Variants in EML1 observed in about 807,000 individuals in gnomAD.
EML1 encodes the protein echinoderm microtubule-associated protein-like 1.
A neutral mutation model predicts 110.4 loss-of-function variants in EML1; 27 were observed. The ratio of observed to expected loss-of-function variants is 0.24; its 90% confidence interval spans 0.18 to 0.34. The LOEUF is 0.34. EML1 is among the 10% of genes least tolerant of loss of function. The pLI, the probability that EML1 is intolerant of heterozygous loss-of-function variation, is 1.00. For missense variants in EML1, 741 were observed against 1,030.9 expected, an observed-to-expected ratio of 0.72 and a Z score of 3.85; for synonymous variants, 344 against 385.8, an observed-to-expected ratio of 0.89 and a Z score of 1.27.
intron 17 of EML1, among the ~76,000 whole-genome samples, chr14:99,933,403 T>C (rs1026600938): frequency 6.6e-6 from 1 of 152,192 alleles, no homozygotes; most frequent in Non-Finnish European, 1.5e-5. Flanking sequence ...CTCAAACTCC[T>C]GATCTCAGGT....
rs1476962789 is a variant in EML1 at position 99,781,017 on chromosome 14, C to T, written c.-27+7004C>T. On this transcript the variant is annotated intron_variant, in intron 1 of 22. Transcript: ENST00000327921. This position sits in a 1 kb window ranked among gnomAD's most constrained non-coding sequence, Gnocchi z 4.2. ...CACATTTCCTATGGCATTTCATCCA[C>T]CTCATCCTTTAACCTTCCTCTCCCG... Among the ~76,000 whole-genome samples the T allele has an allele frequency of 6.6e-6, 1 of 152,140 alleles. No homozygotes were observed. The highest frequency in any genetic ancestry group is 2.4e-5 in the African/African-American group (1 of 41,422).
At chr14:99,909,298 C>T (rs188732664) in intron 10 of EML1, 47 bp from the exon 11 acceptor site, 34 of 1,612,710 alleles carry the variant, frequency 2.1e-5, no homozygotes, top group South Asian at 3.3e-5. Flanking sequence ...ATGTCTCTTA[C>T]GCGTCTTAAG....
chr14:99,820,876 T>C (rs1184379101), intron 1 of EML1, among the ~76,000 whole-genome samples: 1 of 152,030 alleles, frequency 6.6e-6, no homozygotes, highest in Non-Finnish European at 1.5e-5. Flanking sequence ...GTGGCAGATT[T>C]CAGCTGAGAT....
chr14:99,805,704 G>C (rs2057959505), intron 1 of EML1, among the ~76,000 whole-genome samples: 1 of 151,954 alleles, frequency 6.6e-6, no homozygotes, highest in African/African-American at 2.4e-5. Flanking sequence ...TTGAACTCCT[G>C]GGCTGAAGTG....
intron 2 of EML1, among the ~76,000 whole-genome samples, chr14:99,857,568 G>A (rs925816599): frequency 2.0e-5 from 3 of 152,112 alleles, no homozygotes; most frequent in East Asian, 1.9e-4. Context: ...ACCCATGAGC[G>A]GTCATTTCCA....
intron 1 of EML1, among the ~76,000 whole-genome samples, chr14:99,762,499 A>G (rs2057324842): frequency 6.6e-6 from 1 of 152,182 alleles, no homozygotes; most frequent in African/African-American, 2.4e-5. Context: ...GAAATACCAA[A>G]TGTTGATAAA....
chr14:99,801,467 T>G (rs909322797), intron 1 of EML1, among the ~76,000 whole-genome samples: 2 of 151,980 alleles, frequency 1.3e-5, no homozygotes, highest in South Asian at 4.2e-4. Context: ...TACCAAAAAT[T>G]AGCCGGGCGT....
At chr14:99,866,949 G>T (rs957808339) in intron 3 of EML1, among the ~76,000 whole-genome samples, 13 of 152,090 alleles carry the variant, frequency 8.5e-5, no homozygotes, top group African/African-American at 3.1e-4. Flanking sequence ...TTAATTTTAG[G>T]TTCAGGGGGT....
intron 19 of EML1, among the ~76,000 whole-genome samples, chr14:99,937,141 G>A (rs573405051): frequency 6.6e-6 from 1 of 152,338 alleles, no homozygotes; most frequent in South Asian, 2.1e-4. Context: ...GTCCCCACTT[G>A]TTGAGGACCA....
intron 1 of EML1, among the ~76,000 whole-genome samples, chr14:99,796,311 T>C (rs915296909): frequency 1.1e-4 from 16 of 152,238 alleles, no homozygotes; most frequent in Admixed American, 1.0e-3. Flanking sequence ...TATACTTCTT[T>C]CTTGGTGTCT....
At chr14:99,891,448 T>G (rs1390769551) in intron 5 of EML1, among the ~76,000 whole-genome samples, 3 of 152,100 alleles carry the variant, frequency 2.0e-5, no homozygotes, top group Non-Finnish European at 4.4e-5. Flanking sequence ...TCACCTACCC[T>G]CTCCAAAACC....
chr14:99,894,780 G>A, intron 6 of EML1, 22 bp downstream of exon 6: 1 of 1,597,422 alleles, frequency 6.3e-7, no homozygotes, highest in Non-Finnish European at 8.5e-7. Context: ...TCATTGATTA[G>A]GTCTCACATG....
chr14:99,845,439 G>C (rs1243371840), intron 1 of EML1, among the ~76,000 whole-genome samples: 1 of 152,142 alleles, frequency 6.6e-6, no homozygotes, highest in East Asian at 1.9e-4. Context: ...ACAGAAAAAA[G>C]AGGACGTGCA....
chr14:99,910,002 A>C lies in EML1; in HGVS notation c.1240-240A>C, dbSNP rs771977266. Among the ~76,000 whole-genome samples, 9 of 151,996 alleles carry C rather than the reference A, an allele frequency of 5.9e-5. 1 individual carries two copies. The highest frequency in any genetic ancestry group is 1.3e-4 in the Non-Finnish European group (9 of 68,022). Reference sequence around the variant, plus strand: ...TCCGCTTGCTGTCTGCAGCTTTATGATTCCCCAGCCACTTGGGGTTGCTAG... The same window carrying C: ...TCCGCTTGCTGTCTGCAGCTTTATGCTTCCCCAGCCACTTGGGGTTGCTAG... On this transcript the variant is annotated intron_variant, in intron 11 of 21. Transcript: ENST00000262233.
At chr14:99,891,260 C>G (rs760788006) in intron 5 of EML1, 33 bp downstream of exon 5, 7 of 1,613,424 alleles carry the variant, frequency 4.3e-6, no homozygotes, top group Non-Finnish European at 5.9e-6. Context: ...ATGGGAACCC[C>G]TCACTCACTC....
At chr14:99,815,139 C>CTTT (rs57894783) in intron 1 of EML1, among the ~76,000 whole-genome samples, 5 of 96,354 alleles carry the variant, frequency 5.2e-5, no homozygotes, top group South Asian at 3.3e-4. Context: ...TGAGGCTTGG[C>CTTT]TTTTTTTTTT....
chr14:99,907,722 G>A lies in EML1; in HGVS notation c.1093G>A (p.Ala365Thr), dbSNP rs367836399. Residue 365 changes from alanine to threonine, a missense_variant, in exon 10 of 22, where the codon GCA (alanine) becomes ACA (threonine). Physicochemically the swap from Ala to Thr is moderately conservative, Grantham distance 58 (BLOSUM62 0). This residue lies in a region of EML1 where 388 missense variants were observed against 605.6 expected (regional missense o/e 0.64). Transcript: ENST00000262233. ...GGACTGGCAGAAAGAAGAAAAACTAGCAGATGTGAAGGTCATGCTCCAAGC... is the reference window on the plus strand; with the variant it reads ...GGACTGGCAGAAAGAAGAAAAACTAACAGATGTGAAGGTCATGCTCCAAGC... ...VWDWQKEEKL[A>T]DVKCSNEAVF... The A allele has an allele frequency of 1.1e-5, 17 of 1,614,060 alleles. No individual in the cohort carries two copies. The African/African-American group carries it at 1.6e-4, about 15-fold the overall frequency.
intron 1 of EML1, among the ~76,000 whole-genome samples, chr14:99,832,861 A>G (rs2139779597): frequency 6.6e-6 from 1 of 152,312 alleles, no homozygotes; most frequent in Non-Finnish European, 1.5e-5. Flanking sequence ...AGAAGTTCTT[A>G]AATCTAATTT....
chr14:99,871,832 A>G (rs1469122406), intron 3 of EML1, among the ~76,000 whole-genome samples: 1 of 152,174 alleles, frequency 6.6e-6, no homozygotes, highest in East Asian at 1.9e-4. Flanking sequence ...TTCACATTTC[A>G]TGACAATAAA....
Sources: allele counts gnomAD v4.1 joint callset (sites outside exome capture counted in the v4.1 genomes callset), GRCh38; gene constraint gnomAD v4.1.1; regional missense constraint gnomAD v4.1.1; non-coding constraint Gnocchi (gnomAD v3.1); transcripts MANE v1.5; gene names NCBI Gene and HGNC (gene_info 2026-07-23, HGNC 2026-07-21).